The following GAS5 variants were observed in gnomAD, a reference collection of about 807,000 sequenced individuals.
GAS5 encodes growth arrest specific 5 (non-protein coding).
At chr1:173,868,956 A>G (rs936269612), upstream of GAS5, 2 of 152,702 alleles carry the variant, frequency 1.3e-5, no homozygotes, top group African/African-American at 4.8e-5. Flanking sequence ...CGGTAGCGAA[A>G]GACTTTCCTC....
At chr1:173,866,892 A>G (rs1654786341) in intron 1 of GAS5, 7 of 765,496 alleles carry the variant, frequency 9.1e-6, no homozygotes, top group Middle Eastern at 4.5e-4. Flanking sequence ...CTCAGAATAG[A>G]ATTTCAGAAA....
intron 6 of GAS5, chr1:173,864,493 G>C: frequency 2.0e-6 from 1 of 500,462 alleles, no homozygotes; most frequent in Non-Finnish European, 4.0e-6. Flanking sequence ...CCTAGTTTAG[G>C]ATAACAGGTC....
intron 5 of GAS5, chr1:173,865,751 A>G (rs1416800073): frequency 1.9e-6 from 1 of 519,036 alleles, no homozygotes; most frequent in Non-Finnish European, 3.8e-6. Context: ...CTCAAGGAAA[A>G]TACAGTCAGT....
chr1:173,864,412 T>C (rs751408872), intron 6 of GAS5: 1 of 519,120 alleles, frequency 1.9e-6, no homozygotes, highest in Non-Finnish European at 3.8e-6. Flanking sequence ...GATATCATTA[T>C]ATTTCATTTG....
chr1:173,867,370 G>T, upstream of GAS5: 1 of 370,596 alleles, frequency 2.7e-6, no homozygotes, highest in Middle Eastern at 8.4e-4. Flanking sequence ...AAATATAAAA[G>T]CCTAGCATGG....
upstream of GAS5, chr1:173,867,096 A>T (rs895908480): frequency 4.8e-6 from 3 of 630,300 alleles, no homozygotes; most frequent in South Asian, 3.7e-5. Flanking sequence ...TCTTTTTTTT[A>T]AAGAGTGTTC....
intron 6 of GAS5, chr1:173,865,014 G>A: frequency 4.5e-6 from 2 of 449,044 alleles, no homozygotes; most frequent in Non-Finnish European, 8.9e-6. Flanking sequence ...GAGGTCAAGA[G>A]TTCGAGACCA....
At chr1:173,868,751 C>T (rs1459384458), upstream of GAS5, 1 of 153,218 alleles carries the variant, frequency 6.5e-6, no homozygotes, top group Admixed American at 6.5e-5. Flanking sequence ...TCCTAGTTCT[C>T]ACCTGAGCGC....
At chr1:173,867,695 TTCA>T (rs1269174045), upstream of GAS5, 1 of 519,048 alleles carries the variant, frequency 1.9e-6, no homozygotes, top group Non-Finnish European at 3.8e-6. Flanking sequence ...GCGGTTGGCA[TTCA>T]TCATTACTCT....
intron 6 of GAS5, chr1:173,864,655 C>A (rs1001615710): frequency 1.5e-5 from 6 of 397,910 alleles, no homozygotes; most frequent in Non-Finnish European, 3.0e-5. Context: ...TTAAAAATTT[C>A]CTTCAAAGTT....
chr1:173,867,717 C>G (rs1457818067), upstream of GAS5: 4 of 518,974 alleles, frequency 7.7e-6, no homozygotes, highest in African/African-American at 7.7e-5. Context: ...CTCAGATGTC[C>G]CTACCAACAC....
chr1:173,867,074 T>C (rs552701795), upstream of GAS5: 2 of 676,986 alleles, frequency 3.0e-6, no homozygotes, highest in South Asian at 1.6e-5. Context: ...TTTTAATTCA[T>C]TGTTCCACGG....
intron 6 of GAS5, chr1:173,865,018 G>A (rs1428848182): frequency 3.6e-5 from 16 of 440,166 alleles, no homozygotes; most frequent in South Asian, 4.8e-5. Context: ...TCAAGAGTTC[G>A]AGACCAGCCT....
chr1:173,865,206 A>AAAAT, intron 6 of GAS5: 1 of 336,538 alleles, frequency 3.0e-6, no homozygotes, highest in Non-Finnish European at 5.8e-6. Flanking sequence ...AAAAAAAAAA[A>AAAAT]AAAATACTTG....
chr1:173,865,771 C>T (rs865807941), intron 5 of GAS5: 1 of 518,542 alleles, frequency 1.9e-6, no homozygotes, highest in Admixed American at 1.9e-5. Context: ...TATTCATCAG[C>T]CAAGCCTTAA....
chr1:173,866,452 A>G (rs547736689), intron 3 of GAS5: 1 of 621,836 alleles, frequency 1.6e-6, no homozygotes, highest in Non-Finnish European at 3.0e-6. Flanking sequence ...GAGAAGCACT[A>G]ACATAGATAA....
chr1:173,866,830 G>C (rs868483738), intron 1 of GAS5: 1 of 765,446 alleles, frequency 1.3e-6, no homozygotes, highest in South Asian at 1.3e-5. Flanking sequence ...AAAACAGTGA[G>C]AATGAACCTC....
intron 7 of GAS5, chr1:173,864,126 TA>T: frequency 1.9e-6 from 1 of 514,840 alleles, no homozygotes. Flanking sequence ...AGACTTCAAT[TA>T]AAATGCTACA....
intron 4 of GAS5, chr1:173,865,917 G>A (rs756777696): frequency 1.2e-5 from 6 of 519,034 alleles, no homozygotes; most frequent in African/African-American, 9.6e-5. Context: ...AGTGGTCTTA[G>A]AATAGCCACA....
Sources: allele counts gnomAD v4.1 joint callset, GRCh38; gene constraint gnomAD v4.1.1; transcripts MANE v1.5; gene names NCBI Gene and HGNC (gene_info 2026-07-23, HGNC 2026-07-21).